PPARG: variants seen among roughly 807,000 people sequenced by gnomAD.
PPARG encodes the protein peroxisome proliferator activated receptor gamma.
A neutral mutation model predicts 39.2 loss-of-function variants in PPARG; 17 were observed. The observed-to-expected ratio is 0.43, with a 90% CI of 0.30 to 0.65. PPARG has a LOEUF of 0.65. PPARG is among the 30% of genes least tolerant of loss of function. The pLI is 0.13. For synonymous variants in PPARG, 223 were observed against 215.7 expected, an observed-to-expected ratio of 1.03 and a Z score of -0.30; for missense variants, 406 against 585.9, an observed-to-expected ratio of 0.69 and a Z score of 3.17.
chr3:12,343,471 C>G (rs1241338622), intron 2 of PPARG, among the ~76,000 whole-genome samples: 1 of 152,166 alleles, frequency 6.6e-6, no homozygotes. Context: ...TATGTGATCT[C>G]AAAACTCAAT....
intron 3 of PPARG, among the ~76,000 whole-genome samples, chr3:12,381,060 C>G (rs1403722876): frequency 6.6e-6 from 1 of 152,162 alleles, no homozygotes; most frequent in East Asian, 1.9e-4. Flanking sequence ...GTATTGCAGG[C>G]TACTGGGGGT....
At chr3:12,400,913 T>C (rs2050448091) in intron 5 of PPARG, among the ~76,000 whole-genome samples, 1 of 152,216 alleles carries the variant, frequency 6.6e-6, no homozygotes, top group South Asian at 2.1e-4. Context: ...GTCACTGAGC[T>C]GAAACTAGAA....
intron 2 of PPARG, among the ~76,000 whole-genome samples, chr3:12,349,045 A>G (rs1464550039): frequency 3.3e-5 from 5 of 152,190 alleles, no homozygotes; most frequent in African/African-American, 1.2e-4. Context: ...TTAAACAAAT[A>G]TATTGTTTCT....
intron 1 of PPARG, among the ~76,000 whole-genome samples, chr3:12,290,801 C>T (rs540592091): frequency 2.0e-5 from 3 of 152,122 alleles, no homozygotes; most frequent in Non-Finnish European, 2.9e-5. Flanking sequence ...GGAACATATA[C>T]AAGTATTAAT....
intron 2 of PPARG, among the ~76,000 whole-genome samples, chr3:12,350,556 CAT>C (rs1259280998): frequency 3.3e-5 from 5 of 152,200 alleles, no homozygotes; most frequent in African/African-American, 7.2e-5. Context: ...ATAGGCCACT[CAT>C]GTGACAAGAC....
At chr3:12,315,304 C>G (rs930036398) in intron 2 of PPARG, among the ~76,000 whole-genome samples, 1 of 152,158 alleles carries the variant, frequency 6.6e-6, no homozygotes, top group Non-Finnish European at 1.5e-5. Flanking sequence ...GAATGGTATT[C>G]CATCGTGTAT....
At chr3:12,433,449 A>G (rs36121170) in intron 7 of PPARG, among the ~76,000 whole-genome samples, 70 of 152,112 alleles carry the variant, frequency 4.6e-4, no homozygotes, top group Non-Finnish European at 6.6e-4. Flanking sequence ...GAGGCAGGAG[A>G]ATAGCTTGAT....
At chr3:12,313,803 A>G (rs893238558) in intron 2 of PPARG, among the ~76,000 whole-genome samples, 5 of 152,218 alleles carry the variant, frequency 3.3e-5, no homozygotes, top group African/African-American at 9.6e-5. Flanking sequence ...TTATAAATAA[A>G]ATGTATACAC....
At chr3:12,433,423 A>C (rs2051730691) in intron 7 of PPARG, among the ~76,000 whole-genome samples, 1 of 152,044 alleles carries the variant, frequency 6.6e-6, no homozygotes, top group African/African-American at 2.4e-5. Flanking sequence ...CTATCATCCC[A>C]GCTACTCAGG....
intron 1 of PPARG, among the ~76,000 whole-genome samples, chr3:12,293,096 C>T (rs550614705): frequency 1.3e-5 from 2 of 152,298 alleles, no homozygotes; most frequent in East Asian, 3.9e-4. Context: ...TTCAACTGTT[C>T]CAGTGGCCAG....
chr3:12,405,753 A>C (rs2050636592), intron 5 of PPARG, 129 bp from the exon 6 acceptor site: 2 of 907,616 alleles, frequency 2.2e-6, no homozygotes, highest in Non-Finnish European at 3.5e-6. Flanking sequence ...TGGTAGACAG[A>C]AACCAGGACT....
chr3:12,343,369 T>A (rs2125074517), intron 2 of PPARG, among the ~76,000 whole-genome samples: 1 of 152,318 alleles, frequency 6.6e-6, no homozygotes, highest in South Asian at 2.1e-4. Context: ...TCCTTCCATC[T>A]CCATGCACAG....
intron 4 of PPARG, among the ~76,000 whole-genome samples, chr3:12,385,856 A>G (rs2049850815): frequency 6.6e-6 from 1 of 152,332 alleles, no homozygotes; most frequent in South Asian, 2.1e-4. Flanking sequence ...TGTTAATTTC[A>G]TTGTAAAATC....
upstream of PPARG, chr3:12,288,995 C>CTA (rs773377789): frequency 6.6e-5 from 10 of 152,254 alleles, no homozygotes; most frequent in Non-Finnish European, 1.5e-4. Context: ...AGGGAGGAGC[C>CTA]TAAGGTAAGG....
At chr3:12,421,774 A>G (rs1195790636) in intron 7 of PPARG, among the ~76,000 whole-genome samples, 1 of 152,232 alleles carries the variant, frequency 6.6e-6, no homozygotes, top group Non-Finnish European at 1.5e-5. Context: ...CAAGTCATCC[A>G]GCCTCCTCCT....
At chr3:12,416,146 A>G (rs2125282368) in intron 6 of PPARG, among the ~76,000 whole-genome samples, 1 of 152,366 alleles carries the variant, frequency 6.6e-6, no homozygotes, top group East Asian at 1.9e-4. Context: ...TGGGAGGCCA[A>G]GGCAGGCAGA....
chr3:12,349,637 A>G (rs2048423701), intron 2 of PPARG, among the ~76,000 whole-genome samples: 1 of 152,298 alleles, frequency 6.6e-6, no homozygotes. Flanking sequence ...TAGGCTTGCC[A>G]CATATTATAT....
intron 1 of PPARG, among the ~76,000 whole-genome samples, chr3:12,296,609 C>G (rs545845789): frequency 3.3e-4 from 50 of 152,216 alleles, no homozygotes; most frequent in Admixed American, 1.2e-3. Flanking sequence ...TAAAACTACC[C>G]CCATTGACCT....
chr3:12,298,758 G>C (rs2046856830), intron 1 of PPARG, among the ~76,000 whole-genome samples: 1 of 152,092 alleles, frequency 6.6e-6, no homozygotes, highest in South Asian at 2.1e-4. Flanking sequence ...TGTGTTTATG[G>C]GTAAAAGAAC....
Sources: gnomAD v4.1 joint callset for allele counts (sites outside exome capture counted in the v4.1 genomes callset) on GRCh38, gnomAD v4.1.1 for gene constraint, MANE v1.5 for transcripts, NCBI Gene and HGNC (gene_info 2026-07-23, HGNC 2026-07-21) for gene names.